EPB41L4B: variants seen among roughly 807,000 people sequenced by gnomAD.
EPB41L4B encodes erythrocyte membrane protein band 4.1 like 4B.
A neutral mutation model predicts 112.5 loss-of-function variants in EPB41L4B; 30 were observed. The ratio of observed to expected loss-of-function variants is 0.27; its 90% CI spans 0.20 to 0.36. The LOEUF is 0.36. Among genes scored for constraint, EPB41L4B ranks in the 10% least tolerant of loss-of-function variants. EPB41L4B has a pLI of 1.00. For missense variants in EPB41L4B, 1,024 were observed against 1,133.3 expected (o/e 0.90, Z 1.38); for synonymous variants, 408 against 439.7 (o/e 0.93, Z 0.90).
At chr9:109,246,611 G>T (rs1226289938) in intron 14 of EPB41L4B, among the ~76,000 whole-genome samples, 1 of 152,224 alleles carries the variant, frequency 6.6e-6, no homozygotes, top group Middle Eastern at 3.2e-3. Context: ...TGATGGGAGT[G>T]GTGAGAAATA....
chr9:109,260,410 CTTTTTTTTT>C (rs35040371), intron 6 of EPB41L4B, among the ~76,000 whole-genome samples: 2 of 102,502 alleles, frequency 2.0e-5, no homozygotes, highest in Admixed American at 1.2e-4. Flanking sequence ...TCAATTGTAT[CTTTTTTTTT>C]TTTTTTTTTT....
intron 15 of EPB41L4B, among the ~76,000 whole-genome samples, chr9:109,227,832 G>A (rs1211925673): frequency 2.0e-5 from 3 of 152,018 alleles, no homozygotes; most frequent in African/African-American, 7.3e-5. Flanking sequence ...TGCCCACCTC[G>A]ACCTCCCCAA....
chr9:109,219,424 G>A (rs1016763391), intron 15 of EPB41L4B, among the ~76,000 whole-genome samples: 1 of 152,054 alleles, frequency 6.6e-6, no homozygotes, highest in Non-Finnish European at 1.5e-5. Flanking sequence ...GCAGTGGCGC[G>A]ATCTCAGCTC....
At chr9:109,279,280 C>CGATT (rs1835947686) in intron 2 of EPB41L4B, among the ~76,000 whole-genome samples, 1 of 151,458 alleles carries the variant, frequency 6.6e-6, no homozygotes, top group Non-Finnish European at 1.5e-5. Flanking sequence ...GTGGCAGGAT[C>CGATT]GATTGAGCTC....
At chr9:109,266,968 C>CA (rs3061574) in intron 4 of EPB41L4B, among the ~76,000 whole-genome samples, 196 of 91,730 alleles carry the variant, frequency 2.1e-3, no homozygotes, top group Non-Finnish European at 3.5e-3. Flanking sequence ...GATTTTGTTT[C>CA]AAAAAAAAAA....
chr9:109,255,716 T>C (rs765470924), intron 10 of EPB41L4B, 36 bp from the exon 11 acceptor site: 3 of 1,610,142 alleles, frequency 1.9e-6, no homozygotes, highest in African/African-American at 1.3e-5. Flanking sequence ...GAGTGGGCGT[T>C]TGCAACCCCA....
intron 25 of EPB41L4B, 23 bp from the exon 26 acceptor site, chr9:109,174,646 A>G (rs764469586): frequency 1.9e-6 from 3 of 1,606,718 alleles, no homozygotes; most frequent in African/African-American, 1.3e-5. Flanking sequence ...ATGTGACAAA[A>G]TAGTGAGACA....
chr9:109,221,093 CTATT>C (rs1300073412), intron 15 of EPB41L4B, among the ~76,000 whole-genome samples: 2 of 152,186 alleles, frequency 1.3e-5, no homozygotes, highest in Non-Finnish European at 2.9e-5. Context: ...TTTCCCCCAA[CTATT>C]TATCCAGTAC....
intron 1 of EPB41L4B, among the ~76,000 whole-genome samples, chr9:109,312,777 T>C (rs540773196): frequency 2.6e-5 from 4 of 152,292 alleles, no homozygotes; most frequent in Admixed American, 2.0e-4. Flanking sequence ...GATCCAGGCA[T>C]ACAGCCAGAA....
chr9:109,246,947 G>A (rs940466813), intron 14 of EPB41L4B, among the ~76,000 whole-genome samples: 1 of 152,204 alleles, frequency 6.6e-6, no homozygotes, highest in Non-Finnish European at 1.5e-5. Context: ...AAAAATGGTA[G>A]GGGTTGAGGC....
chr9:109,261,136 C>A (rs1835187530), intron 6 of EPB41L4B, among the ~76,000 whole-genome samples: 1 of 152,126 alleles, frequency 6.6e-6, no homozygotes, highest in African/African-American at 2.4e-5. Flanking sequence ...GTGCGGAGGC[C>A]ACGGCCATGT....
intron 1 of EPB41L4B, among the ~76,000 whole-genome samples, chr9:109,309,497 G>A (rs777929401): frequency 6.6e-5 from 10 of 152,204 alleles, no homozygotes; most frequent in Non-Finnish European, 1.0e-4. Context: ...ACAATCTCAT[G>A]GAGTCCAGAG....
chr9:109,192,304 T>C lies in EPB41L4B; in HGVS notation c.2275A>G (p.Met759Val). Residue 759 changes from methionine to valine, a missense_variant, in exon 22 of 26, where the codon ATG becomes GTG. Coordinates refer to ENST00000374566, the MANE Select transcript of EPB41L4B (RefSeq NM_019114.5). ...AFTLEPGDLL[M>V]DFTEATPLAE... ...AGAGGAGTGGCTTCTGTGAAATCCA[T>C]CAGAAGATCACCCGGCTCCAGGGTA... The C allele has an allele frequency of 6.2e-7, 1 of 1,610,686 alleles. No individual in the cohort carries two copies. The highest frequency in any genetic ancestry group is 8.5e-7 in the Non-Finnish European group (1 of 1,178,458).
intron 1 of EPB41L4B, among the ~76,000 whole-genome samples, chr9:109,293,839 T>C (rs986673034): frequency 3.3e-5 from 5 of 151,930 alleles, no homozygotes; most frequent in African/African-American, 1.2e-4. Context: ...TAGAACTCAA[T>C]AAACCACATT....
At chr9:109,246,422 C>T (rs937582053) in intron 14 of EPB41L4B, among the ~76,000 whole-genome samples, 10 of 151,952 alleles carry the variant, frequency 6.6e-5, no homozygotes, top group Admixed American at 2.6e-4. Flanking sequence ...GGCTTCCCAA[C>T]GTGCTGGGAT....
intron 1 of EPB41L4B, among the ~76,000 whole-genome samples, chr9:109,295,331 C>T (rs958167588): frequency 1.2e-4 from 18 of 152,044 alleles, no homozygotes; most frequent in East Asian, 3.9e-4. Context: ...TATTTTTATC[C>T]CTTAGAAGAT....
intron 2 of EPB41L4B, among the ~76,000 whole-genome samples, chr9:109,272,819 A>T (rs1401063124): frequency 6.6e-6 from 1 of 152,162 alleles, no homozygotes; most frequent in African/African-American, 2.4e-5. Flanking sequence ...ATCAAATTGT[A>T]CCCAAAGGAT....
At chr9:109,257,815 T>C (rs1276898606) in intron 7 of EPB41L4B, among the ~76,000 whole-genome samples, 1 of 152,104 alleles carries the variant, frequency 6.6e-6, no homozygotes, top group Non-Finnish European at 1.5e-5. Flanking sequence ...GGCAACGTGG[T>C]GAAACCTCAT....
intron 7 of EPB41L4B, among the ~76,000 whole-genome samples, 189 bp from the exon 8 acceptor site, chr9:109,256,669 G>A (rs1834995159): frequency 6.6e-6 from 1 of 152,238 alleles, no homozygotes; most frequent in African/African-American, 2.4e-5. Context: ...CAGGCTGGGC[G>A]CAGTGACTCA....
Sources: allele counts gnomAD v4.1 joint callset (sites outside exome capture counted in the v4.1 genomes callset), GRCh38; gene constraint gnomAD v4.1.1; transcripts MANE v1.5; gene names NCBI Gene and HGNC (gene_info 2026-07-23, HGNC 2026-07-21).